Variants in COL28A1 observed in about 807,000 individuals in gnomAD.
COL28A1 encodes the protein collagen type XXVIII alpha 1 chain.
In COL28A1, 161 loss-of-function variants were observed where a neutral mutation model predicts 150.2. That is an observed-to-expected ratio of 1.07 (90% CI 0.94 to 1.22). The LOEUF (loss-of-function observed/expected upper bound fraction) is 1.22, where lower values mean the gene tolerates loss of function less well. Ranked by LOEUF, COL28A1 falls within the 50% of genes most tolerant of loss-of-function variation. COL28A1 has a pLI of 0.00. For missense variants in COL28A1, 1,617 were observed against 1,388.3 expected (o/e 1.16, Z -2.62); for synonymous variants, 552 against 469.7 (o/e 1.18, Z -2.26).
At chr7:7,385,460 G>C (rs77230793) in intron 27 of COL28A1, among the ~76,000 whole-genome samples, 1 of 152,170 alleles carries the variant, frequency 6.6e-6, no homozygotes, top group Admixed American at 6.5e-5. Flanking sequence ...GTGAATTATC[G>C]CTAGGAGTTA....
chr7:7,341,334 C>T, the COL28A1 span, among the ~76,000 whole-genome samples: 1 of 152,052 alleles, frequency 6.6e-6, no homozygotes, highest in Non-Finnish European at 1.5e-5. Flanking sequence ...ATGTTATTTT[C>T]AATTTACTTT....
At chr7:7,398,580 G>C (rs1328195582) in intron 27 of COL28A1, among the ~76,000 whole-genome samples, 2 of 152,206 alleles carry the variant, frequency 1.3e-5, no homozygotes, top group Non-Finnish European at 2.9e-5. Flanking sequence ...ATAGGTCATA[G>C]TGCAAAGGGT....
chr7:7,383,680 G>GTATATATATATA (rs1366244976), intron 27 of COL28A1, among the ~76,000 whole-genome samples: 5 of 46,352 alleles, frequency 1.1e-4, no homozygotes, highest in East Asian at 7.9e-4. Context: ...GTGTGTGTGT[G>GTATATATATATA]TGTATATATA....
At chr7:7,429,407 C>CTCTCTCTT (rs1491129210) in intron 25 of COL28A1, among the ~76,000 whole-genome samples, 9 of 130,528 alleles carry the variant, frequency 6.9e-5, no homozygotes, top group African/African-American at 3.2e-4. Context: ...ATGAATCTCC[C>CTCTCTCTT]TCTCTCTCTC....
At chr7:7,475,649 CATTT>C (rs1399592773) in intron 14 of COL28A1, among the ~76,000 whole-genome samples, 3 of 152,240 alleles carry the variant, frequency 2.0e-5, no homozygotes, top group South Asian at 2.1e-4. Flanking sequence ...ATTCATTTCT[CATTT>C]ATTTCTTTCT....
the COL28A1 span, among the ~76,000 whole-genome samples, chr7:7,345,348 T>C: frequency 4.6e-5 from 7 of 152,026 alleles, no homozygotes; most frequent in Non-Finnish European, 1.0e-4. Context: ...CATTATTATC[T>C]TGTGTTTGGT....
chr7:7,481,673 T>A (rs916784233), intron 13 of COL28A1, among the ~76,000 whole-genome samples: 3 of 152,218 alleles, frequency 2.0e-5, no homozygotes, highest in Non-Finnish European at 4.4e-5. Context: ...ACATTAACGA[T>A]GAGATGAAAT....
At chr7:7,467,837 C>A (rs1788159915) in intron 15 of COL28A1, among the ~76,000 whole-genome samples, 2 of 143,086 alleles carry the variant, frequency 1.4e-5, no homozygotes, top group East Asian at 2.1e-4. Context: ...GGAAACTGAA[C>A]AACCTGCTCC....
intron 30 of COL28A1, among the ~76,000 whole-genome samples, chr7:7,377,314 AC>A (rs1275479134): frequency 6.6e-6 from 1 of 152,192 alleles, no homozygotes; most frequent in East Asian, 1.9e-4. Context: ...CTGAATAACT[AC>A]CTTGGCTACT....
intron 27 of COL28A1, chr7:7,417,525 G>C: frequency 8.3e-6 from 1 of 120,734 alleles, no homozygotes; most frequent in Non-Finnish European, 1.4e-5. Context: ...GAGGGAGGGG[G>C]GAGGGAGGGA....
chr7:7,380,948 C>A, intron 28 of COL28A1, 86 bp from the exon 29 acceptor site: 1 of 1,142,882 alleles, frequency 8.7e-7, no homozygotes, highest in South Asian at 1.3e-5. Flanking sequence ...TTATCTGCAA[C>A]TGGCATCTCT....
the COL28A1 span, among the ~76,000 whole-genome samples, chr7:7,348,671 T>A: frequency 6.6e-6 from 1 of 152,100 alleles, no homozygotes; most frequent in Admixed American, 6.6e-5. Flanking sequence ...TCGCTCTTCT[T>A]TTCTCATTTC....
intron 25 of COL28A1, among the ~76,000 whole-genome samples, chr7:7,421,521 C>T (rs917795297): frequency 2.0e-5 from 3 of 151,706 alleles, no homozygotes; most frequent in Non-Finnish European, 4.4e-5. Context: ...GAACTACCAC[C>T]CAAGACCTTT....
upstream of COL28A1, among the ~76,000 whole-genome samples, chr7:7,539,206 G>C (rs1274207498): frequency 1.3e-5 from 2 of 152,140 alleles, no homozygotes; most frequent in Non-Finnish European, 2.9e-5. Flanking sequence ...AGGTTTATTT[G>C]GCTTACAATT....
intron 27 of COL28A1, among the ~76,000 whole-genome samples, chr7:7,402,911 C>G (rs544598281): frequency 6.6e-5 from 10 of 152,304 alleles, no homozygotes; most frequent in African/African-American, 2.2e-4. Context: ...CTGAGGAAGA[C>G]TACAGACAGG....
At chr7:7,524,281 C>A (rs765889943) in intron 3 of COL28A1, 32 bp from the exon 4 acceptor site, 1 of 1,199,844 alleles carries the variant, frequency 8.3e-7, no homozygotes, top group African/African-American at 1.5e-5. Flanking sequence ...AGCATTAACT[C>A]GATTGATAGT....
intron 27 of COL28A1, among the ~76,000 whole-genome samples, chr7:7,409,187 G>C (rs1452471470): frequency 6.6e-6 from 1 of 152,122 alleles, no homozygotes; most frequent in East Asian, 1.9e-4. Context: ...ATTTATACTA[G>C]TAACTTACTT....
At chr7:7,492,907 C>T (rs1780001275) in intron 11 of COL28A1, among the ~76,000 whole-genome samples, 2 of 150,260 alleles carry the variant, frequency 1.3e-5, no homozygotes, top group South Asian at 4.2e-4. Flanking sequence ...AGCCAGTTGA[C>T]TGACATTCTC....
the COL28A1 span, among the ~76,000 whole-genome samples, chr7:7,344,030 A>C: frequency 6.6e-6 from 1 of 151,926 alleles, no homozygotes; most frequent in African/African-American, 2.4e-5. Context: ...AAAAAAAATA[A>C]AGGTGCAGGT....
Sources: allele counts gnomAD v4.1 joint callset (sites outside exome capture counted in the v4.1 genomes callset), GRCh38; gene constraint gnomAD v4.1.1; transcripts MANE v1.5; gene names NCBI Gene and HGNC (gene_info 2026-07-23, HGNC 2026-07-21).